TRIM38: variants seen among roughly 807,000 people sequenced by gnomAD.
The protein encoded by TRIM38 is E3 ubiquitin-protein ligase TRIM38.
TRIM38 carries 35 observed loss-of-function variants against 35.8 expected under a neutral mutation model. The observed-to-expected ratio is 0.98, with a 90% confidence interval of 0.75 to 1.30. TRIM38 has a LOEUF of 1.30. TRIM38 is among the 50% of genes most tolerant of loss of function. The pLI is 0.00. For missense variants in TRIM38, 545 were observed against 556.9 expected, an observed-to-expected ratio of 0.98 and a Z score of 0.21; for synonymous variants, 198 against 204.7, an observed-to-expected ratio of 0.97 and a Z score of 0.28.
At chr6:25,969,203 A>C in intron 3 of TRIM38, 122 bp from the exon 4 acceptor site, 1 of 728,462 alleles carries the variant, frequency 1.4e-6, no homozygotes, top group Non-Finnish European at 2.2e-6. Context: ...CTAGCAAAAA[A>C]CAATGAGGAC....
intron 2 of TRIM38, among the ~76,000 whole-genome samples, chr6:25,963,485 T>C (rs1208139784): frequency 6.6e-6 from 1 of 152,114 alleles, no homozygotes; most frequent in Non-Finnish European, 1.5e-5. Flanking sequence ...TGCCTATCCC[T>C]GGCCTCCCCC....
chr6:25,981,039 A>C (rs1760530381), intron 7 of TRIM38, among the ~76,000 whole-genome samples: 1 of 152,222 alleles, frequency 6.6e-6, no homozygotes, highest in African/African-American at 2.4e-5. Flanking sequence ...GGGTATTTAC[A>C]AAGGTGAGGA....
Position 25,985,438 on chromosome 6 carries a change from T to C in TRIM38, c.*1751T>C, listed in dbSNP as rs1760684777. ...CTATATAAGCCCAAGTTCTAAATCC[T>C]CTTTTGAGTATTCATCTCAGTACTC... On this transcript the variant is annotated 3_prime_UTR_variant, in exon 8 of 8. Transcript: ENST00000357085. 1 of 152,212 alleles carries C rather than the reference T, an allele frequency of 6.6e-6. No homozygotes were observed. Among genetic ancestry groups the C allele is most frequent in the African/African-American group, 2.4e-5 (1 of 41,452 alleles). 9.4% of individuals were successfully genotyped at this position (152,212 alleles called of 1,614,324 possible). A position where few individuals can be genotyped will look rare whatever the true frequency, so the allele number is the denominator to read the frequency against.
intron 7 of TRIM38, among the ~76,000 whole-genome samples, chr6:25,977,537 G>A (rs1760431029): frequency 6.6e-6 from 1 of 152,134 alleles, no homozygotes; most frequent in Non-Finnish European, 1.5e-5. Flanking sequence ...AGGTGTGGTG[G>A]TGTGCACTTG....
Position 25,989,544 on chromosome 6 carries a change from G to A in TRIM38, c.*5857G>A, listed in dbSNP as rs1479682251. 7.2e-6 allele frequency: 1 copy of A among 137,964 alleles called. No individual in the cohort carries two copies. Among genetic ancestry groups the A allele is most frequent in the Non-Finnish European group, 1.5e-5 (1 of 65,566 alleles). The allele number at this position is 137,964 out of a possible 1,614,324, so 8.5% of individuals were successfully genotyped here. ...TTTTTTTTTTTTTTTTAATAGAGAC[G>A]GGTCTTGCTACAGTGCCCAGGCTGG... On this transcript the variant is annotated 3_prime_UTR_variant, in exon 8 of 8. Transcript: ENST00000357085.
rs1333035958 is a variant in TRIM38 at position 25,972,005 on chromosome 6, A to G, written c.644A>G (p.Tyr215Cys). The change falls in exon 5 of 8, where the codon TAT becomes TGT. Residue 215 changes from tyrosine (Y) to cysteine (C), a missense_variant. Transcript: ENST00000357085. ...EQQTLSRLRDYEAGLGLKSNE... is the reference protein window; with the variant it reads ...EQQTLSRLRDCEAGLGLKSNE... Reference sequence around the variant, plus strand: ...CAGACTCTGAGTAGACTGAGGGACTATGAGGCTGGTCTGGGGCTGAAGAGC... The same window carrying G: ...CAGACTCTGAGTAGACTGAGGGACTGTGAGGCTGGTCTGGGGCTGAAGAGC... 5 of 1,614,154 alleles carry G rather than the reference A, an allele frequency of 3.1e-6. No homozygotes were observed. In the East Asian group the frequency reaches 6.7e-5, roughly 22 times the overall value.
intron 7 of TRIM38, among the ~76,000 whole-genome samples, chr6:25,978,827 T>C (rs1760469657): frequency 6.6e-6 from 1 of 152,126 alleles, no homozygotes; most frequent in Non-Finnish European, 1.5e-5. Flanking sequence ...CCACAATGCC[T>C]GGATAATTTT....
At chr6:25,966,075 T>C (rs1323471314) in intron 2 of TRIM38, among the ~76,000 whole-genome samples, 1 of 152,194 alleles carries the variant, frequency 6.6e-6, no homozygotes, top group Non-Finnish European at 1.5e-5. Flanking sequence ...AAGCATTTTG[T>C]TCCTGACTGG....
Position 25,983,890 on chromosome 6 carries a change from G to A in TRIM38, c.*203G>A. 1.9e-6 allele frequency: 1 copy of A among 533,696 alleles called. No homozygotes were observed. The highest frequency in any genetic ancestry group is 3.2e-6 in the Non-Finnish European group (1 of 309,182). The allele number at this position is 533,696 out of a possible 1,614,324, so 33.1% of individuals were successfully genotyped here. On this transcript the variant is annotated 3_prime_UTR_variant, in exon 8 of 8. Coordinates refer to ENST00000357085, the MANE Select transcript of TRIM38 (RefSeq NM_006355.5). ...TACCACAGATGGTTAACCTGGACTG[G>A]GGCAAAGCAAGATAATAGTGATGAT...
intron 7 of TRIM38, chr6:25,973,592 T>C (rs1015439409): frequency 2.1e-6 from 2 of 975,604 alleles, no homozygotes; most frequent in African/African-American, 3.5e-5. Flanking sequence ...CATTGAGTTA[T>C]CATCAAAATT....
At chr6:25,969,491 A>G in intron 4 of TRIM38, 71 bp downstream of exon 4, 4 of 1,278,488 alleles carry the variant, frequency 3.1e-6, no homozygotes, top group Non-Finnish European at 3.3e-6. Context: ...ATGATTGAGG[A>G]AAAGCACAAT....
chr6:25,966,733 C>A lies in TRIM38; in HGVS notation c.211C>A (p.Leu71Ile). 6.2e-7 allele frequency: 1 copy of A among 1,614,204 alleles called. No homozygotes were observed. Among genetic ancestry groups the A allele is most frequent in the Non-Finnish European group, 8.5e-7 (1 of 1,180,040 alleles). ...QCRAPFHMDS[L>I]RPNKQLGSLI... ...TCGGGCTCCATTTCATATGGATAGC[C>A]TCCGACCCAACAAGCAGCTGGGAAG... Residue 71 changes from leucine to isoleucine, a missense_variant, in exon 3 of 8, where the codon CTC (leucine) becomes ATC (isoleucine). By Grantham distance (5) the Leu-to-Ile change is conservative. Transcript: ENST00000357085.
rs371499702 is a variant in TRIM38, at chr6:25,966,611, A to G, written c.89A>G (p.Asn30Ser). 144 of 1,614,098 alleles carry G rather than the reference A, an allele frequency of 8.9e-5. No homozygotes were observed. Among genetic ancestry groups the G allele is most frequent in the Non-Finnish European group, 1.2e-4 (140 of 1,180,048 alleles). The change falls in exon 3 of 8, where the codon AAC becomes AGC. Residue 30 changes from asparagine (N) to serine (S), a missense_variant. Asn to Ser is a conservative substitution (Grantham distance 46, BLOSUM62 1). Transcript: ENST00000357085. The stretch of plus-strand genomic sequence containing the variant: ...CTGATGACGAACCCAGTAAGCATCA[A>G]CTGTGGACACAGCTACTGCCACTTG... ...LSLMTNPVSI[N>S]CGHSYCHLCI...
At chr6:25,968,887 G>A (rs1760140481) in intron 3 of TRIM38, among the ~76,000 whole-genome samples, 1 of 152,174 alleles carries the variant, frequency 6.6e-6, no homozygotes, top group South Asian at 2.1e-4. Context: ...GCCAAACACT[G>A]GTATTGGTTT....
chr6:25,968,912 T>C (rs551624197), intron 3 of TRIM38, among the ~76,000 whole-genome samples: 1 of 152,360 alleles, frequency 6.6e-6, no homozygotes, highest in East Asian at 1.9e-4. Context: ...TGGTTCAGCA[T>C]GTTGTTTTAC....
At position 25,986,872 on chromosome 6, in the gene TRIM38, A is replaced by T. The variant is rs1760723832; in HGVS notation, c.*3185A>T. The T allele has an allele frequency of 6.6e-6, 1 of 152,232 alleles. No individual in the cohort carries two copies. 9.4% of individuals were successfully genotyped at this position (152,232 alleles called of 1,614,324 possible). On this transcript the variant is annotated 3_prime_UTR_variant, in exon 8 of 8. Coordinates refer to ENST00000357085, the MANE Select transcript of TRIM38 (RefSeq NM_006355.5). The stretch of plus-strand genomic sequence containing the variant: ...TCATACTCACAACCCAAGTTGTAGG[A>T]TGGAAAAAAGGACACAAAAGTAGGG...
intron 7 of TRIM38, among the ~76,000 whole-genome samples, chr6:25,979,239 G>A (rs1760481736): frequency 6.6e-6 from 1 of 151,910 alleles, no homozygotes; most frequent in African/African-American, 2.4e-5. Flanking sequence ...CTATAAGCGG[G>A]AGCCATAATT....
At chr6:25,964,370 C>T (rs188679979) in intron 2 of TRIM38, among the ~76,000 whole-genome samples, 2 of 151,894 alleles carry the variant, frequency 1.3e-5, no homozygotes, top group Non-Finnish European at 2.9e-5. Flanking sequence ...ATAGGTAATT[C>T]TTTGAGGGGC....
chr6:25,970,640 G>C (rs1339329465), intron 4 of TRIM38, among the ~76,000 whole-genome samples: 1 of 152,148 alleles, frequency 6.6e-6, no homozygotes, highest in Non-Finnish European at 1.5e-5. Flanking sequence ...CTATACAAGA[G>C]TTAAAGCTGC....
Sources: gnomAD v4.1 joint callset for allele counts (sites outside exome capture counted in the v4.1 genomes callset) on GRCh38, gnomAD v4.1.1 for gene constraint, MANE v1.5 for transcripts, NCBI Gene and HGNC (gene_info 2026-07-23, HGNC 2026-07-21) for gene names.